The following MAPKAP1 variants were observed in gnomAD, a reference collection of about 807,000 sequenced individuals.
The protein encoded by MAPKAP1 is target of rapamycin complex 2 subunit MAPKAP1.
A neutral mutation model predicts 65.7 loss-of-function variants in MAPKAP1; 20 were observed. That is an observed-to-expected ratio of 0.30 (90% CI 0.21 to 0.44). The LOEUF (loss-of-function observed/expected upper bound fraction) is 0.44, where lower values mean the gene tolerates loss of function less well. Ranked by LOEUF, MAPKAP1 falls within the 20% of genes least tolerant of loss-of-function variation. The pLI is 1.00. For synonymous variants in MAPKAP1, 222 were observed against 244.3 expected (o/e 0.91, Z 0.85); for missense variants, 423 against 648.0 (o/e 0.65, Z 3.77).
In MAPKAP1 at chr9:125,652,111, G is replaced by A. The variant is rs780316390; in HGVS notation, c.498+5540C>T. 7 of 1,277,690 alleles carry A rather than the reference G, an allele frequency of 5.5e-6. No individual in the cohort carries two copies. The Admixed American group carries it at 1.3e-4, about 24-fold the overall frequency. 79.1% of individuals were successfully genotyped at this position (1,277,690 alleles called of 1,614,324 possible). A position where few individuals can be genotyped will look rare whatever the true frequency, so the allele number is the denominator to read the frequency against. On this transcript the variant is annotated intron_variant, in intron 4 of 11. Transcript: ENST00000265960. ...TTTTCTTTTTACGTGATTTCAATTC[G>A]CTGACCTTTTCTGAGTTTGCAACAT...
chr9:125,554,793 TC>T (rs1830688239), intron 6 of MAPKAP1, among the ~76,000 whole-genome samples: 1 of 23,734 alleles, frequency 4.2e-5, no homozygotes, highest in Admixed American at 6.3e-4. Flanking sequence ...AAGACACTTA[TC>T]AAAAAAAAAA....
chr9:125,616,803 G>C (rs1342307611), intron 4 of MAPKAP1, among the ~76,000 whole-genome samples: 1 of 152,180 alleles, frequency 6.6e-6, no homozygotes, highest in Admixed American at 6.5e-5. Flanking sequence ...CCATGACCCT[G>C]TAAGTCCATC....
intron 1 of MAPKAP1, among the ~76,000 whole-genome samples, chr9:125,704,953 C>T (rs1226987010): frequency 1.3e-5 from 2 of 152,130 alleles, no homozygotes; most frequent in African/African-American, 2.4e-5. Flanking sequence ...AGTTATGTGT[C>T]GAAGGTCACA....
At chr9:125,475,853 G>A (rs923565271) in intron 9 of MAPKAP1, among the ~76,000 whole-genome samples, 10 of 152,198 alleles carry the variant, frequency 6.6e-5, no homozygotes, top group African/African-American at 2.2e-4. Flanking sequence ...TGTAGAGTGG[G>A]GAAAACCTGA....
chr9:125,439,046 C>T lies in MAPKAP1; in HGVS notation c.1444-34G>A. 6.2e-7 allele frequency: 1 copy of T among 1,607,642 alleles called. No individual in the cohort carries two copies. Among genetic ancestry groups the T allele is most frequent in the Non-Finnish European group, 8.5e-7 (1 of 1,177,000 alleles). ...AAGAGCACACAGCCCGGTCACCTTGCCAGCCGCTCCCTACCCACCCAGGGC... is the reference window on the plus strand; with the variant it reads ...AAGAGCACACAGCCCGGTCACCTTGTCAGCCGCTCCCTACCCACCCAGGGC... On this transcript the variant is annotated intron_variant, in intron 11 of 11. Coordinates refer to ENST00000265960, the MANE Select transcript of MAPKAP1 (RefSeq NM_001006617.3). This position sits in a 1 kb window ranked among gnomAD's most constrained non-coding sequence, Gnocchi z 4.0.
At chr9:125,698,288 AAT>A (rs57303829) in intron 1 of MAPKAP1, among the ~76,000 whole-genome samples, 1,329 of 48,506 alleles carry the variant, frequency 0.027, 8 homozygotes, top group South Asian at 0.045. Context: ...AATATATATA[AAT>A]ATATATATAT....
At chr9:125,572,306 C>T (rs1464298322) in intron 5 of MAPKAP1, among the ~76,000 whole-genome samples, 3 of 152,152 alleles carry the variant, frequency 2.0e-5, no homozygotes, top group Non-Finnish European at 2.9e-5. Flanking sequence ...CATGGCTGAG[C>T]TTGGTTTTAA....
At chr9:125,596,174 G>GA (rs1179608103) in intron 4 of MAPKAP1, 1 of 769,512 alleles carries the variant, frequency 1.3e-6, no homozygotes, top group Non-Finnish European at 2.4e-6. Flanking sequence ...ACCATACTGT[G>GA]AATGGCCACA....
chr9:125,458,161 C>T (rs529506140), intron 10 of MAPKAP1, among the ~76,000 whole-genome samples: 119 of 150,600 alleles, frequency 7.9e-4, no homozygotes, highest in South Asian at 3.6e-3. Flanking sequence ...TCATCACTTA[C>T]GATAGAAAGG....
chr9:125,647,186 T>C (rs1172327354), intron 4 of MAPKAP1, among the ~76,000 whole-genome samples: 1 of 152,240 alleles, frequency 6.6e-6, no homozygotes, highest in Non-Finnish European at 1.5e-5. Context: ...TAAACTTACA[T>C]GTATTTTGTA....
intron 5 of MAPKAP1, among the ~76,000 whole-genome samples, chr9:125,573,715 G>A (rs1437204600): frequency 6.6e-6 from 1 of 151,994 alleles, no homozygotes; most frequent in African/African-American, 2.4e-5. Context: ...ACCTTCTTTT[G>A]TTCCCTGACC....
chr9:125,677,685 T>A (rs1448057833), intron 1 of MAPKAP1, among the ~76,000 whole-genome samples: 1 of 152,020 alleles, frequency 6.6e-6, no homozygotes, highest in Non-Finnish European at 1.5e-5. Context: ...GAGAGCAAGA[T>A]TCTGTCTCAA....
At chr9:125,590,805 G>A (rs996795591) in intron 4 of MAPKAP1, among the ~76,000 whole-genome samples, 10 of 150,702 alleles carry the variant, frequency 6.6e-5, no homozygotes, top group African/African-American at 1.7e-4. Context: ...AAACAGTCTC[G>A]CTCTGCTGCC....
chr9:125,538,311 G>A (rs907540169), intron 7 of MAPKAP1, among the ~76,000 whole-genome samples: 1 of 152,160 alleles, frequency 6.6e-6, no homozygotes, highest in African/African-American at 2.4e-5. Flanking sequence ...TGGTGACTTG[G>A]ACCCATCCAA....
At chr9:125,687,842 T>C (rs889524317) in intron 1 of MAPKAP1, among the ~76,000 whole-genome samples, 1 of 152,208 alleles carries the variant, frequency 6.6e-6, no homozygotes, top group Non-Finnish European at 1.5e-5. Flanking sequence ...AAATCTAAGA[T>C]GTAATATTAC....
At chr9:125,556,585 C>T (rs1830741671) in intron 6 of MAPKAP1, among the ~76,000 whole-genome samples, 1 of 152,196 alleles carries the variant, frequency 6.6e-6, no homozygotes, top group South Asian at 2.1e-4. Context: ...CTATGTCAAA[C>T]CTACTTGCCT....
intron 3 of MAPKAP1, among the ~76,000 whole-genome samples, chr9:125,668,152 G>C (rs1358535545): frequency 1.3e-5 from 2 of 152,224 alleles, no homozygotes; most frequent in Non-Finnish European, 2.9e-5. Context: ...TATAACCATA[G>C]TATGAGAAAT....
intron 5 of MAPKAP1, among the ~76,000 whole-genome samples, chr9:125,576,663 C>T (rs908270375): frequency 4.6e-5 from 7 of 152,354 alleles, no homozygotes; most frequent in African/African-American, 1.4e-4. Context: ...CGACTGCAGG[C>T]GCACGCCGCC....
At chr9:125,541,620 G>A (rs2133166602) in intron 7 of MAPKAP1, among the ~76,000 whole-genome samples, 1 of 152,316 alleles carries the variant, frequency 6.6e-6, no homozygotes. Flanking sequence ...CTGGGAAGGA[G>A]TGGCTGTGCC....
Sources: gnomAD v4.1 joint callset for allele counts (sites outside exome capture counted in the v4.1 genomes callset) on GRCh38, gnomAD v4.1.1 for gene constraint, Gnocchi (gnomAD v3.1) non-coding constraint, MANE v1.5 for transcripts, NCBI Gene and HGNC (gene_info 2026-07-23, HGNC 2026-07-21) for gene names.